The following PEPD variants were observed in gnomAD, a reference collection of about 807,000 sequenced individuals.
PEPD encodes the protein xaa-Pro dipeptidase.
In PEPD, 53 loss-of-function variants were observed where a neutral mutation model predicts 60.7. That is an observed-to-expected ratio of 0.87 (90% CI 0.70 to 1.10). PEPD has a LOEUF of 1.10. Among genes scored for constraint, PEPD ranks in the 50% least tolerant of loss-of-function variants. The pLI is 0.00. For missense variants in PEPD, 711 were observed against 711.9 expected, an observed-to-expected ratio of 1.00 and a Z score of 0.01; for synonymous variants, 267 against 284.1, an observed-to-expected ratio of 0.94 and a Z score of 0.60.
chr19:33,493,844 G>T (rs1970546048), intron 4 of PEPD, among the ~76,000 whole-genome samples: 1 of 151,016 alleles, frequency 6.6e-6, no homozygotes, highest in South Asian at 2.1e-4. Flanking sequence ...CCCACTCTCT[G>T]TCCCTCCACC....
intron 8 of PEPD, among the ~76,000 whole-genome samples, chr19:33,463,744 T>C (rs1268844946): frequency 2.0e-5 from 3 of 152,232 alleles, no homozygotes; most frequent in African/African-American, 4.8e-5. Flanking sequence ...TCCTGAGGAT[T>C]AGTGTCCACG....
intron 12 of PEPD, among the ~76,000 whole-genome samples, chr19:33,392,910 C>A (rs1172397968): frequency 7.3e-6 from 1 of 136,900 alleles, no homozygotes; most frequent in Non-Finnish European, 1.6e-5. Flanking sequence ...ATGTTGGGAC[C>A]CCTTTAAGTG....
intron 9 of PEPD, among the ~76,000 whole-genome samples, chr19:33,436,367 C>A (rs577057074): frequency 6.6e-6 from 1 of 152,210 alleles, no homozygotes; most frequent in South Asian, 2.1e-4. Flanking sequence ...AAGAGGCAGG[C>A]GGGAGCCGTC....
chr19:33,502,414 G>T (rs912945433), intron 3 of PEPD, among the ~76,000 whole-genome samples: 1 of 152,140 alleles, frequency 6.6e-6, no homozygotes, highest in Non-Finnish European at 1.5e-5. Context: ...GTCGGGAGGC[G>T]TTAGGGCTTT....
At chr19:33,463,841 G>C in intron 8 of PEPD, 146 bp downstream of exon 8, 2 of 706,708 alleles carry the variant, frequency 2.8e-6, no homozygotes, top group Non-Finnish European at 5.2e-6. Context: ...GAACAGAAAA[G>C]AGAACAATCA....
intron 5 of PEPD, among the ~76,000 whole-genome samples, chr19:33,492,572 T>C (rs1034815078): frequency 3.3e-5 from 5 of 152,218 alleles, no homozygotes; most frequent in African/African-American, 7.2e-5. Flanking sequence ...TTTTTAAATG[T>C]ACAATAAATT....
intron 6 of PEPD, among the ~76,000 whole-genome samples, chr19:33,484,208 A>G (rs1970357720): frequency 6.6e-6 from 1 of 152,232 alleles, no homozygotes; most frequent in African/African-American, 2.4e-5. Flanking sequence ...GTGTGGTTCA[A>G]AGTGAAGAAC....
intron 12 of PEPD, among the ~76,000 whole-genome samples, chr19:33,399,641 A>G (rs1326332940): frequency 6.6e-6 from 1 of 151,376 alleles, no homozygotes; most frequent in Admixed American, 6.6e-5. Flanking sequence ...GCCCCTCTGA[A>G]GCACACTTGG....
At chr19:33,391,686 G>A (rs1968225762) in intron 12 of PEPD, among the ~76,000 whole-genome samples, 1 of 152,178 alleles carries the variant, frequency 6.6e-6, no homozygotes, top group African/African-American at 2.4e-5. Context: ...AAAAGCTCTG[G>A]CCCTCGGGAC....
chr19:33,498,381 T>C (rs1568503350), intron 4 of PEPD, among the ~76,000 whole-genome samples: 1 of 152,202 alleles, frequency 6.6e-6, no homozygotes, highest in Non-Finnish European at 1.5e-5. Flanking sequence ...ACAACTTCCC[T>C]GCCCTAACAC....
At chr19:33,518,607 T>C (rs942887322) in intron 1 of PEPD, among the ~76,000 whole-genome samples, 2 of 152,184 alleles carry the variant, frequency 1.3e-5, no homozygotes, top group Non-Finnish European at 2.9e-5. Flanking sequence ...TTCCCCACCA[T>C]GACTCCTTCC....
At chr19:33,458,320 ATGTGTGGTG>A (rs1181851146) in intron 9 of PEPD, among the ~76,000 whole-genome samples, 4 of 147,962 alleles carry the variant, frequency 2.7e-5, no homozygotes, top group African/African-American at 1.0e-4. Flanking sequence ...GTGGCATGCG[ATGTGTGGTG>A]TGTGTGGTGT....
chr19:33,442,308 G>A (rs1037957859), intron 9 of PEPD, among the ~76,000 whole-genome samples: 1 of 152,064 alleles, frequency 6.6e-6, no homozygotes, highest in Non-Finnish European at 1.5e-5. Flanking sequence ...TTGGGAGGCT[G>A]AGGCAGAAGA....
At chr19:33,505,146 C>T (rs1409697905) in intron 3 of PEPD, among the ~76,000 whole-genome samples, 3 of 152,182 alleles carry the variant, frequency 2.0e-5, no homozygotes, top group South Asian at 4.1e-4. Flanking sequence ...CACCTGCATG[C>T]GATTAATGAA....
At chr19:33,519,927 T>C (rs1345902900) in intron 1 of PEPD, among the ~76,000 whole-genome samples, 1 of 151,808 alleles carries the variant, frequency 6.6e-6, no homozygotes, top group South Asian at 2.1e-4. Context: ...ATTAGCTGAG[T>C]GTGGTGGCAC....
chr19:33,496,653 G>A (rs771405608), intron 4 of PEPD, among the ~76,000 whole-genome samples: 7 of 151,736 alleles, frequency 4.6e-5, no homozygotes, highest in Non-Finnish European at 1.0e-4. Context: ...TCGTTTCCAC[G>A]GAGTGGTGGC....
chr19:33,417,440 C>T (rs1405423044), intron 9 of PEPD, among the ~76,000 whole-genome samples: 1 of 152,150 alleles, frequency 6.6e-6, no homozygotes, highest in African/African-American at 2.4e-5. Flanking sequence ...CTGTGCTGGG[C>T]TCCCTGCTCT....
At chr19:33,477,086 A>T (rs1351934424) in intron 7 of PEPD, 1 of 152,472 alleles carries the variant, frequency 6.6e-6, no homozygotes, top group East Asian at 1.9e-4. Context: ...CCACCCAGCC[A>T]CTGCCTGTCT....
At chr19:33,427,883 G>A (rs1366038429) in intron 9 of PEPD, among the ~76,000 whole-genome samples, 1 of 152,158 alleles carries the variant, frequency 6.6e-6, no homozygotes, top group Non-Finnish European at 1.5e-5. Context: ...CCAGTAGATT[G>A]CTAGCAGGAA....
Sources: gnomAD v4.1 joint callset for allele counts (sites outside exome capture counted in the v4.1 genomes callset) on GRCh38, gnomAD v4.1.1 for gene constraint, MANE v1.5 for transcripts, NCBI Gene and HGNC (gene_info 2026-07-23, HGNC 2026-07-21) for gene names.